The following GRIK1 variants were observed in gnomAD, a reference collection of about 807,000 sequenced individuals.
The protein encoded by GRIK1 is glutamate ionotropic receptor kainate type subunit 1.
In GRIK1, 69 loss-of-function variants were observed where a neutral mutation model predicts 105.7. That is an observed-to-expected ratio of 0.65 (90% CI 0.54 to 0.80). GRIK1 has a LOEUF of 0.80. GRIK1 is among the 30% of genes least tolerant of loss of function. The pLI is 0.00. For synonymous variants in GRIK1, 438 were observed against 431.3 expected (o/e 1.02, Z -0.19); for missense variants, 1,109 against 1,167.3 (o/e 0.95, Z 0.73).
At chr21:29,936,662 A>G (rs2071766761) in intron 1 of GRIK1, among the ~76,000 whole-genome samples, 1 of 152,250 alleles carries the variant, frequency 6.6e-6, no homozygotes, top group South Asian at 2.1e-4. Context: ...TAACTGTTGC[A>G]TAAGATTATA....
chr21:29,825,859 GT>G (rs2067439024), intron 1 of GRIK1, among the ~76,000 whole-genome samples: 2 of 152,174 alleles, frequency 1.3e-5, no homozygotes, highest in South Asian at 4.1e-4. Flanking sequence ...AACCAGAATT[GT>G]TCTGAAAAAT....
At chr21:29,645,974 G>A (rs903182624) in intron 6 of GRIK1, among the ~76,000 whole-genome samples, 8 of 152,124 alleles carry the variant, frequency 5.3e-5, no homozygotes, top group African/African-American at 1.9e-4. Flanking sequence ...CTAGGCTTAG[G>A]GTACTCAGAC....
chr21:29,646,595 G>A (rs743320), intron 6 of GRIK1, among the ~76,000 whole-genome samples: 16,120 of 152,146 alleles, frequency 0.11, 920 homozygotes, highest in African/African-American at 0.14. Context: ...AAGGACTGAC[G>A]ACACTATATG....
At chr21:29,821,500 A>T (rs1358787125) in intron 1 of GRIK1, among the ~76,000 whole-genome samples, 1 of 152,044 alleles carries the variant, frequency 6.6e-6, no homozygotes, top group Non-Finnish European at 1.5e-5. Flanking sequence ...TGAAAAACAC[A>T]TGAGAACCAT....
At chr21:29,918,192 A>C (rs2071064915) in intron 1 of GRIK1, among the ~76,000 whole-genome samples, 1 of 152,102 alleles carries the variant, frequency 6.6e-6, no homozygotes, top group African/African-American at 2.4e-5. Flanking sequence ...TACTAAGAAA[A>C]TTTTAAAAAT....
rs980957535 is a variant in GRIK1, at chr21:29,741,811, A to G, written c.119-47748T>C. Among the ~76,000 whole-genome samples, 8 of 152,284 alleles carry G rather than the reference A, an allele frequency of 5.3e-5. No homozygotes were observed. The Middle Eastern group carries it at 0.014, about 259-fold the overall frequency. ...GGACTTTACATGTTTCCACAGGTCG[A>G]GTGGTAGAAAATTGATTGCCGTTGT... On this transcript the variant is annotated intron_variant, in intron 1 of 17. Coordinates refer to ENST00000327783, the MANE Select transcript of GRIK1 (RefSeq NM_001330994.2).
chr21:29,781,756 C>T (rs1339732546), intron 1 of GRIK1, among the ~76,000 whole-genome samples: 1 of 132,912 alleles, frequency 7.5e-6, no homozygotes, highest in Admixed American at 8.2e-5. Flanking sequence ...CTGCAAGCTC[C>T]GCTTCCCGGG....
At chr21:29,753,357 G>A (rs1404794560) in intron 1 of GRIK1, among the ~76,000 whole-genome samples, 2 of 152,184 alleles carry the variant, frequency 1.3e-5, no homozygotes, top group Admixed American at 1.3e-4. Context: ...CTGGGAAAAT[G>A]AATCACATAC....
intron 14 of GRIK1, among the ~76,000 whole-genome samples, chr21:29,571,745 A>G (rs1243279918): frequency 6.6e-6 from 1 of 152,218 alleles, no homozygotes; most frequent in Non-Finnish European, 1.5e-5. Context: ...CTATAAAATG[A>G]TTTTAAATCA....
chr21:29,665,891 G>T (rs1367726019), intron 4 of GRIK1, among the ~76,000 whole-genome samples: 1 of 152,170 alleles, frequency 6.6e-6, no homozygotes, highest in East Asian at 1.9e-4. Context: ...TATTTTGAGA[G>T]GATAAAAAGA....
intron 14 of GRIK1, among the ~76,000 whole-genome samples, chr21:29,569,555 C>T (rs2090691182): frequency 1.3e-5 from 2 of 152,212 alleles, no homozygotes; most frequent in Admixed American, 1.3e-4. Flanking sequence ...GGTCATATTT[C>T]TTGAGAAGAA....
At chr21:29,686,143 C>T (rs907133113) in intron 3 of GRIK1, among the ~76,000 whole-genome samples, 1 of 152,156 alleles carries the variant, frequency 6.6e-6, no homozygotes, top group Non-Finnish European at 1.5e-5. Context: ...ACAGTTTTCC[C>T]TAGGTCTTTG....
intron 1 of GRIK1, among the ~76,000 whole-genome samples, chr21:29,872,643 C>A (rs142611463): frequency 1.3e-5 from 2 of 152,186 alleles, no homozygotes; most frequent in Non-Finnish European, 2.9e-5. Context: ...GATGGACTCA[C>A]AGTTCCACGT....
chr21:29,827,165 A>G (rs1199112589), intron 1 of GRIK1, among the ~76,000 whole-genome samples: 1 of 152,106 alleles, frequency 6.6e-6, no homozygotes, highest in African/African-American at 2.4e-5. Context: ...AGAAAAGCCT[A>G]ACTTAATAAA....
intron 1 of GRIK1, among the ~76,000 whole-genome samples, chr21:29,875,729 A>T (rs1426442200): frequency 6.6e-6 from 1 of 152,178 alleles, no homozygotes; most frequent in East Asian, 1.9e-4. Context: ...GGTAGTAATT[A>T]TGATGTACTC....
chr21:29,547,893 C>T (rs180815577), intron 16 of GRIK1, among the ~76,000 whole-genome samples: 10 of 152,224 alleles, frequency 6.6e-5, no homozygotes, highest in Non-Finnish European at 5.9e-5. Flanking sequence ...CAAGGAACAC[C>T]GAGGAAAGAT....
chr21:29,909,890 G>T (rs1323089215), intron 1 of GRIK1, among the ~76,000 whole-genome samples: 1 of 152,082 alleles, frequency 6.6e-6, no homozygotes, highest in Admixed American at 6.6e-5. Context: ...TCCCTCAGAA[G>T]ACTCAGGGAT....
intron 1 of GRIK1, among the ~76,000 whole-genome samples, chr21:29,781,476 A>G (rs2066097468): frequency 6.6e-6 from 1 of 151,454 alleles, no homozygotes; most frequent in Admixed American, 6.6e-5. Flanking sequence ...CACTCTCATT[A>G]CTCTCTTCCC....
At chr21:29,562,482 C>G (rs767389406) in intron 14 of GRIK1, among the ~76,000 whole-genome samples, 4 of 151,990 alleles carry the variant, frequency 2.6e-5, no homozygotes, top group African/African-American at 9.7e-5. Context: ...ATGGTGAAAC[C>G]CTGTCTCTAC....
Sources: gnomAD v4.1 joint callset for allele counts (sites outside exome capture counted in the v4.1 genomes callset) on GRCh38, gnomAD v4.1.1 for gene constraint, MANE v1.5 for transcripts, NCBI Gene and HGNC (gene_info 2026-07-23, HGNC 2026-07-21) for gene names.